The following IL7 variants were observed in gnomAD, a reference collection of about 807,000 sequenced individuals.
IL7 encodes interleukin-7.
A neutral mutation model predicts 21.6 loss-of-function variants in IL7; 3 were observed. The ratio of observed to expected loss-of-function variants is 0.14; its 90% confidence interval spans 0.06 to 0.36. The LOEUF (loss-of-function observed/expected upper bound fraction) is 0.36, where lower values mean the gene tolerates loss of function less well. Among genes scored for constraint, IL7 ranks in the 10% least tolerant of loss-of-function variants. The pLI is 1.00. For missense variants in IL7, 175 were observed against 200.2 expected, an observed-to-expected ratio of 0.87 and a Z score of 0.76; for synonymous variants, 62 against 68.1, an observed-to-expected ratio of 0.91 and a Z score of 0.44.
chr8:78,697,554 G>T (rs1381557619), intron 3 of IL7: 14 of 1,433,920 alleles, frequency 9.8e-6, no homozygotes, highest in South Asian at 1.2e-5. Context: ...AACCATGTTG[G>T]CAGAGCAGGA....
downstream of IL7, among the ~76,000 whole-genome samples, chr8:78,715,030 A>G (rs1454730904): frequency 6.6e-6 from 1 of 152,216 alleles, no homozygotes; most frequent in East Asian, 1.9e-4. Context: ...GTATTAGTAA[A>G]TGCAAAATTA....
At chr8:78,708,941 C>T (rs779888512) in intron 3 of IL7, among the ~76,000 whole-genome samples, 9 of 152,132 alleles carry the variant, frequency 5.9e-5, no homozygotes, top group Admixed American at 1.3e-4. Context: ...GCTGGGATTA[C>T]AGGCATGAGC....
rs148450509 is a variant in IL7, at chr8:78,793,675, T to C, written c.147+4397A>G. The stretch of plus-strand genomic sequence containing the variant: ...AAGGTTGGGTGGCTGTAGTAATTTT[T>C]AAAATGAGGCAACAATGAAGTTTGC... On this transcript the variant is annotated intron_variant, in intron 2 of 5. Transcript: ENST00000263851. Among the ~76,000 whole-genome samples, 9 of 152,206 alleles carry C rather than the reference T, an allele frequency of 5.9e-5. No homozygotes were observed. In the East Asian group the frequency reaches 1.5e-3, roughly 26 times the overall value.
rs182596963 is a variant in IL7 at position 78,690,812 on chromosome 8, T to C, written n.215-4865A>G. On this transcript the variant is annotated intron_variant and non_coding_transcript_variant, in intron 3 of 4. Coordinates refer to the IL7 transcript ENST00000523959. The stretch of plus-strand genomic sequence containing the variant: ...TATTATATAGGTCATACACATGTTT[T>C]GTTAGATTTTCCAAGTATATCATGT... 3.3e-5 allele frequency among the ~76,000 whole-genome samples: 5 copies of C among 152,332 alleles called. No homozygotes were observed. In the East Asian group the frequency reaches 5.8e-4, roughly 18 times the overall value.
downstream of IL7, chr8:78,717,349 TTCCC>T: frequency 6.2e-7 from 1 of 1,609,018 alleles, no homozygotes; most frequent in Non-Finnish European, 8.5e-7. Flanking sequence ...ACTGTGCATC[TTCCC>T]TTAATGGTGG....
chr8:78,717,618 T>G (rs1390550039), downstream of IL7: 44 of 1,101,298 alleles, frequency 4.0e-5, no homozygotes, highest in Non-Finnish European at 5.6e-5. Context: ...CCAGTTAATT[T>G]TGAAGTGTAA....
At chr8:78,678,398 CTT>C (rs1330994901) in intron 4 of IL7, among the ~76,000 whole-genome samples, 1 of 152,080 alleles carries the variant, frequency 6.6e-6, no homozygotes, top group Non-Finnish European at 1.5e-5. Context: ...CGTTTTACAA[CTT>C]AACATTTGGT....
In IL7 at chr8:78,733,619, T is replaced by C; in HGVS notation, c.*94A>G. 7.4e-7 allele frequency: 1 copy of C among 1,347,082 alleles called. No homozygotes were observed. Among genetic ancestry groups the C allele is most frequent in the South Asian group, 1.3e-5 (1 of 74,426 alleles). The allele number at this position is 1,347,082 out of a possible 1,614,324, so 83.4% of individuals were successfully genotyped here. A position where few individuals can be genotyped will look rare whatever the true frequency, so the allele number is the denominator to read the frequency against. ...TGACCATGGTGCATTCAGTAACTTCTAGGAAGCATTCCACTCTGAAAAACT... is the reference window on the plus strand; with the variant it reads ...TGACCATGGTGCATTCAGTAACTTCCAGGAAGCATTCCACTCTGAAAAACT... On this transcript the variant is annotated 3_prime_UTR_variant, in exon 6 of 6. Coordinates refer to ENST00000263851, the MANE Select transcript of IL7 (RefSeq NM_000880.4).
chr8:78,716,767 A>G (rs1263194689), downstream of IL7, among the ~76,000 whole-genome samples: 1 of 152,088 alleles, frequency 6.6e-6, no homozygotes, highest in African/African-American at 2.4e-5. Context: ...GTAACCCTCA[A>G]CGTTAGAGGA....
At chr8:78,731,034 A>G (rs1227833143), downstream of IL7, among the ~76,000 whole-genome samples, 1 of 151,998 alleles carries the variant, frequency 6.6e-6, no homozygotes, top group African/African-American at 2.4e-5. Flanking sequence ...ACAGAACACC[A>G]TAAAGATTAT....
downstream of IL7, among the ~76,000 whole-genome samples, chr8:78,675,066 T>C (rs1809537219): frequency 6.6e-6 from 1 of 151,680 alleles, no homozygotes; most frequent in Non-Finnish European, 1.5e-5. Flanking sequence ...GTTTCTTTTT[T>C]TGTAGTTTCT....
At chr8:78,712,815 T>C (rs971429233) in intron 3 of IL7, among the ~76,000 whole-genome samples, 3 of 152,194 alleles carry the variant, frequency 2.0e-5, no homozygotes, top group African/African-American at 7.2e-5. Flanking sequence ...TTAATATACC[T>C]ATTAATGGTG....
chr8:78,685,094 G>C (rs1809922876), intron 4 of IL7, among the ~76,000 whole-genome samples: 1 of 151,966 alleles, frequency 6.6e-6, no homozygotes, highest in Non-Finnish European at 1.5e-5. Flanking sequence ...TGAAAATACT[G>C]GTACTAACAA....
intron 1 of IL7, among the ~76,000 whole-genome samples, chr8:78,801,969 C>G (rs1056363911): frequency 5.9e-5 from 9 of 152,066 alleles, no homozygotes; most frequent in Non-Finnish European, 8.8e-5. Context: ...ACCCACACTC[C>G]CCACCATCCT....
Position 78,733,094 on chromosome 8 carries a change from A to G in IL7, c.*619T>C, listed in dbSNP as rs533619534. 1 of 152,110 alleles carries G rather than the reference A, an allele frequency of 6.6e-6. No homozygotes were observed. The highest frequency in any genetic ancestry group is 6.6e-5 in the Admixed American group (1 of 15,236). The allele number at this position is 152,110 out of a possible 1,614,324, so 9.4% of individuals were successfully genotyped here. The stretch of plus-strand genomic sequence containing the variant: ...TTCATGTCAAAACATTTGCTATACC[A>G]TTTATTGAAGGCACTGTGTTACACA... On this transcript the variant is annotated 3_prime_UTR_variant, in exon 6 of 6. Coordinates refer to ENST00000263851, the MANE Select transcript of IL7 (RefSeq NM_000880.4).
At chr8:78,735,382 G>A (rs760618758) in intron 5 of IL7, among the ~76,000 whole-genome samples, 1 of 145,650 alleles carries the variant, frequency 6.9e-6, no homozygotes, top group African/African-American at 2.6e-5. Context: ...GCGCGATCTC[G>A]GCTCACTGCA....
chr8:78,706,724 A>T (rs1810785571), intron 3 of IL7, among the ~76,000 whole-genome samples: 1 of 152,200 alleles, frequency 6.6e-6, no homozygotes, highest in South Asian at 2.1e-4. Context: ...TTTCAAGTGT[A>T]AGTTATATGT....
At chr8:78,701,438 A>T (rs1810600191) in intron 3 of IL7, among the ~76,000 whole-genome samples, 1 of 152,244 alleles carries the variant, frequency 6.6e-6, no homozygotes, top group Non-Finnish European at 1.5e-5. Context: ...GTCATCTGCC[A>T]GCAGGGATAG....
At chr8:78,697,478 G>C in intron 3 of IL7, 1 of 1,606,762 alleles carries the variant, frequency 6.2e-7, no homozygotes, top group South Asian at 1.1e-5. Context: ...GATTACCGCA[G>C]CCAAGTGGCG....
Sources: allele counts gnomAD v4.1 joint callset (sites outside exome capture counted in the v4.1 genomes callset), GRCh38; gene constraint gnomAD v4.1.1; transcripts MANE v1.5; gene names NCBI Gene and HGNC (gene_info 2026-07-23, HGNC 2026-07-21).